Variants in NREP observed in about 807,000 individuals in gnomAD.
NREP encodes the protein neuronal regeneration-related protein.
In NREP, 5 loss-of-function variants were observed where a neutral mutation model predicts 8.6. The ratio of observed to expected loss-of-function variants is 0.58; its 90% CI spans 0.30 to 1.22. The LOEUF is 1.22. Ranked by LOEUF, NREP falls within the 50% of genes most tolerant of loss-of-function variation. NREP has a pLI of 0.07. For synonymous variants in NREP, 27 were observed against 28.0 expected (o/e 0.96, Z 0.11); for missense variants, 86 against 82.5 (o/e 1.04, Z -0.17).
chr5:111,762,811 C>T (rs1274973979), intron 2 of NREP, among the ~76,000 whole-genome samples: 5 of 152,104 alleles, frequency 3.3e-5, no homozygotes, highest in South Asian at 4.1e-4. Flanking sequence ...ACTAATAGAC[C>T]GCCCTTGCAG....
At chr5:111,920,353 T>C (rs747700184) in intron 2 of NREP, among the ~76,000 whole-genome samples, 12 of 152,278 alleles carry the variant, frequency 7.9e-5, no homozygotes, top group Non-Finnish European at 1.6e-4. Context: ...GCAAATTTGT[T>C]ACATATGTAT....
intron 2 of NREP, among the ~76,000 whole-genome samples, chr5:111,774,251 G>C (rs1751306691): frequency 8.5e-6 from 1 of 118,252 alleles, no homozygotes; most frequent in Non-Finnish European, 1.8e-5. Flanking sequence ...AAGGGAGGGA[G>C]GGAAGGAGGG....
rs1476302190 is a variant in NREP at position 111,755,760 on chromosome 5, C to G, written c.3+10G>C. ...AGTACTGAGAATCTCCTCTGATGACCAAGTCTTACCATTTTGAGAATCTTA... is the reference window on the plus strand; with the variant it reads ...AGTACTGAGAATCTCCTCTGATGACGAAGTCTTACCATTTTGAGAATCTTA... On this transcript the variant is annotated intron_variant, in intron 2 of 3. Transcript: ENST00000257435. 1 of 1,613,544 alleles carries G rather than the reference C, an allele frequency of 6.2e-7. No homozygotes were observed. The highest frequency in any genetic ancestry group is 2.2e-5 in the East Asian group (1 of 44,882).
At chr5:111,794,106 T>A (rs938925943) in intron 2 of NREP, among the ~76,000 whole-genome samples, 13 of 152,152 alleles carry the variant, frequency 8.5e-5, no homozygotes, top group African/African-American at 3.1e-4. Flanking sequence ...TTCAATTGAA[T>A]TTAAAACAAT....
intron 2 of NREP, among the ~76,000 whole-genome samples, chr5:111,830,243 C>T (rs1752733306): frequency 6.6e-6 from 1 of 152,156 alleles, no homozygotes; most frequent in Non-Finnish European, 1.5e-5. Flanking sequence ...ATGTGGCCCC[C>T]TAAAGATCGG....
At chr5:111,914,810 A>C (rs1228921919) in intron 2 of NREP, among the ~76,000 whole-genome samples, 1 of 152,120 alleles carries the variant, frequency 6.6e-6, no homozygotes, top group Non-Finnish European at 1.5e-5. Context: ...TTTAAGGTTG[A>C]ACGTTTGTCT....
rs559252265 is a variant in NREP at position 111,756,765 on chromosome 5, G to A, written c.-59+371C>T. 7.2e-5 allele frequency among the ~76,000 whole-genome samples: 11 copies of A among 152,260 alleles called. No homozygotes were observed. In the South Asian group the frequency reaches 2.1e-3, roughly 29 times the overall value. ...GACACAAATTCATTTTATAAAAAGG[G>A]AGGAAAAGCTTGCATGCACCAAAGT... On this transcript the variant is annotated intron_variant, in intron 1 of 3. Transcript: ENST00000257435.
intron 2 of NREP, among the ~76,000 whole-genome samples, chr5:111,779,122 C>T (rs1751431396): frequency 6.6e-6 from 1 of 152,042 alleles, no homozygotes; most frequent in Non-Finnish European, 1.5e-5. Flanking sequence ...AAATACATTC[C>T]TATTTTTCTT....
intron 2 of NREP, among the ~76,000 whole-genome samples, chr5:111,964,890 A>AAAAAAAAAAAAAAAAAAAAT: frequency 7.4e-6 from 1 of 135,848 alleles, no homozygotes; most frequent in Non-Finnish European, 1.5e-5. Flanking sequence ...AAAAAAAAAA[A>AAAAAAAAAAAAAAAAAAAAT]AAAAAGAAAC....
chr5:111,841,821 G>T (rs952103354), intron 2 of NREP, among the ~76,000 whole-genome samples: 3 of 152,010 alleles, frequency 2.0e-5, no homozygotes, highest in African/African-American at 4.8e-5. Context: ...GAAAATTTTG[G>T]GTTAGAGTTA....
At chr5:111,829,311 T>C (rs1581147916) in intron 2 of NREP, among the ~76,000 whole-genome samples, 1 of 152,128 alleles carries the variant, frequency 6.6e-6, no homozygotes, top group Non-Finnish European at 1.5e-5. Flanking sequence ...ATTTTGTAAA[T>C]GGAACTCTGG....
intron 2 of NREP, among the ~76,000 whole-genome samples, chr5:111,840,066 A>G (rs893867349): frequency 6.6e-6 from 1 of 152,110 alleles, no homozygotes; most frequent in African/African-American, 2.4e-5. Context: ...TTAGTGATTT[A>G]AGTATAATGA....
At chr5:111,797,138 T>TACACATAG in intron 2 of NREP, among the ~76,000 whole-genome samples, 1 of 152,218 alleles carries the variant, frequency 6.6e-6, no homozygotes, top group East Asian at 1.9e-4. Context: ...TGGTAGCAAA[T>TACACATAG]ACACATAGAC....
chr5:111,757,919 G>A (rs985971909), upstream of NREP: 10 of 985,374 alleles, frequency 1.0e-5, no homozygotes, highest in Admixed American at 3.7e-4. Flanking sequence ...GGGAGAGGCG[G>A]CGCGGCCCGT....
chr5:111,906,809 T>TTTGGCA (rs1408602091), intron 2 of NREP, among the ~76,000 whole-genome samples: 10 of 152,134 alleles, frequency 6.6e-5, no homozygotes, highest in African/African-American at 2.4e-4. Context: ...CATCTAAGTA[T>TTTGGCA]CTTCTTTGGT....
chr5:111,837,998 A>G (rs979302438), intron 2 of NREP, among the ~76,000 whole-genome samples: 12 of 152,044 alleles, frequency 7.9e-5, no homozygotes, highest in African/African-American at 2.7e-4. Context: ...TTTAGAGTCT[A>G]TTTTCTAGAT....
At chr5:111,901,833 C>A (rs1182935417) in intron 2 of NREP, among the ~76,000 whole-genome samples, 1 of 152,080 alleles carries the variant, frequency 6.6e-6, no homozygotes, top group Non-Finnish European at 1.5e-5. Flanking sequence ...ATCCCATGAT[C>A]CTGGATCAGA....
chr5:111,737,859 C>CT (rs142717753), intron 2 of NREP, among the ~76,000 whole-genome samples: 6,566 of 150,828 alleles, frequency 0.044, 149 homozygotes, highest in African/African-American at 0.057. Flanking sequence ...CTGACCAAGG[C>CT]TTTTTTTTTC....
At chr5:111,900,575 A>T (rs1192124950) in intron 2 of NREP, among the ~76,000 whole-genome samples, 1 of 152,126 alleles carries the variant, frequency 6.6e-6, no homozygotes, top group Non-Finnish European at 1.5e-5. Context: ...AACACAAAAG[A>T]GGCATTACAA....
Sources: gnomAD v4.1 joint callset for allele counts (sites outside exome capture counted in the v4.1 genomes callset) on GRCh38, gnomAD v4.1.1 for gene constraint, MANE v1.5 for transcripts, NCBI Gene and HGNC (gene_info 2026-07-23, HGNC 2026-07-21) for gene names.